Variants in KIF21A observed in about 807,000 individuals in gnomAD.
The protein encoded by KIF21A is kinesin family member 21A.
In KIF21A, 114 loss-of-function variants were observed where a neutral mutation model predicts 202.9. The ratio of observed to expected loss-of-function variants is 0.56; its 90% confidence interval spans 0.48 to 0.66. The LOEUF (loss-of-function observed/expected upper bound fraction) is 0.66, where lower values mean the gene tolerates loss of function less well. Ranked by LOEUF, KIF21A falls within the 30% of genes least tolerant of loss-of-function variation. The pLI, the probability that KIF21A is intolerant of heterozygous loss-of-function variation, is 0.00. For synonymous variants in KIF21A, 667 were observed against 670.8 expected (o/e 0.99, Z 0.09); for missense variants, 1,677 against 1,994.9 (o/e 0.84, Z 3.04).
chr12:39,299,143 G>A (rs367926510), intron 37 of KIF21A, among the ~76,000 whole-genome samples: 89 of 152,164 alleles, frequency 5.8e-4, no homozygotes, highest in African/African-American at 2.1e-3. Context: ...CATCTGCACA[G>A]CAAAAGAAAC....
At chr12:39,306,273 G>A (rs777421459) in intron 34 of KIF21A, among the ~76,000 whole-genome samples, 1 of 152,154 alleles carries the variant, frequency 6.6e-6, no homozygotes, top group Non-Finnish European at 1.5e-5. Flanking sequence ...AAATTAAAAA[G>A]TGCAAAAGAT....
At chr12:39,421,723 T>TTATATATATATA (rs374130613) in intron 1 of KIF21A, among the ~76,000 whole-genome samples, 26 of 135,024 alleles carry the variant, frequency 1.9e-4, no homozygotes, top group South Asian at 6.8e-4. Context: ...TATATATAAT[T>TTATATATATATA]TATATATATA....
At chr12:39,317,164 A>G (rs190607535) in intron 29 of KIF21A, among the ~76,000 whole-genome samples, 1 of 152,208 alleles carries the variant, frequency 6.6e-6, no homozygotes, top group Non-Finnish European at 1.5e-5. Flanking sequence ...CTAATGAAGG[A>G]TCCATAAATA....
At chr12:39,315,530 A>C (rs1036005310) in intron 30 of KIF21A, among the ~76,000 whole-genome samples, 11 of 151,882 alleles carry the variant, frequency 7.2e-5, no homozygotes, top group African/African-American at 2.7e-4. Flanking sequence ...ATTTTTAATC[A>C]TATAATCTTT....
intron 1 of KIF21A, among the ~76,000 whole-genome samples, chr12:39,435,327 C>T (rs1448380003): frequency 6.6e-6 from 1 of 152,130 alleles, no homozygotes; most frequent in Non-Finnish European, 1.5e-5. Context: ...CTTAAATATT[C>T]TTTGAGGTTT....
Position 39,332,887 on chromosome 12 carries a change from G to A in KIF21A, c.2702+6C>T, listed in dbSNP as rs111232332. Reference sequence around the variant, plus strand: ...ATTACATCAGCAGGAACAGAATTATGTAGACCTGTTTCCATTTGTTGCCGG... The same window carrying A: ...ATTACATCAGCAGGAACAGAATTATATAGACCTGTTTCCATTTGTTGCCGG... On this transcript the variant is annotated splice_donor_region_variant and intron_variant, in intron 19 of 37. Coordinates refer to ENST00000361418, the MANE Select transcript of KIF21A (RefSeq NM_001173464.2). The A allele has an allele frequency of 3.7e-4, 593 of 1,612,794 alleles. 2 individuals are homozygous for A. The African/African-American group carries it at 7.0e-3, about 19-fold the overall frequency.
Position 39,333,374 on chromosome 12 carries a change from C to G in KIF21A, c.2419-94G>C, listed in dbSNP as rs180818038. ...ATATATTTCCCCATACCCCTGGGAA[C>G]TATGAGTTCTTAGCAGAATCTTTGA... On this transcript the variant is annotated intron_variant, in intron 17 of 37. Coordinates refer to ENST00000361418, the MANE Select transcript of KIF21A (RefSeq NM_001173464.2). 1.2e-4 allele frequency: 111 copies of G among 915,812 alleles called. No individual in the cohort carries two copies. In the African/African-American group the frequency reaches 1.5e-3, roughly 12 times the overall value. 56.7% of individuals were successfully genotyped at this position (915,812 alleles called of 1,614,324 possible).
intron 34 of KIF21A, among the ~76,000 whole-genome samples, chr12:39,306,062 G>T (rs1943444117): frequency 6.6e-6 from 1 of 152,220 alleles, no homozygotes; most frequent in African/African-American, 2.4e-5. Flanking sequence ...ACTGTGTGAT[G>T]TCAGTTGGCA....
At chr12:39,420,947 A>C (rs1310651560) in intron 1 of KIF21A, among the ~76,000 whole-genome samples, 2 of 152,276 alleles carry the variant, frequency 1.3e-5, no homozygotes, top group East Asian at 1.9e-4. Flanking sequence ...GATTTAACAA[A>C]AAAAAAAATA....
At position 39,357,418 on chromosome 12, in the gene KIF21A, T is replaced by C. The variant is rs1244207399; in HGVS notation, c.1235A>G (p.Glu412Gly). The C allele has an allele frequency of 6.2e-7, 1 of 1,614,006 alleles. No individual in the cohort carries two copies. Among genetic ancestry groups the C allele is most frequent in the Non-Finnish European group, 8.5e-7 (1 of 1,179,886 alleles). ...EYKTGKRIID[E>G]EGVESINDMF... The stretch of plus-strand genomic sequence containing the variant: ...GTCATTGATGCTTTCCACACCCTCT[T>C]CGTCAATTATTCTTTTACCCTAGTA... The change falls in exon 9 of 38, where the codon GAA becomes GGA. Residue 412 changes from glutamate (E) to glycine (G), a missense_variant. This residue lies in a region of KIF21A where 966 missense variants were observed against 1,180.9 expected (regional missense o/e 0.82). Transcript: ENST00000361418.
intron 21 of KIF21A, 165 bp from the exon 22 acceptor site, chr12:39,331,956 A>C (rs1370448923): frequency 1.4e-6 from 1 of 704,544 alleles, no homozygotes; most frequent in Non-Finnish European, 2.5e-6. Flanking sequence ...GTTTAGTTGA[A>C]AAGACACATT....
intron 12 of KIF21A, among the ~76,000 whole-genome samples, chr12:39,342,712 T>C (rs1253877464): frequency 6.6e-6 from 1 of 152,174 alleles, no homozygotes; most frequent in Non-Finnish European, 1.5e-5. Context: ...CTTCTCATTA[T>C]GGTCTCACAC....
At chr12:39,367,758 A>T (rs1949694602) in intron 4 of KIF21A, 125 bp downstream of exon 4, 1 of 748,906 alleles carries the variant, frequency 1.3e-6, no homozygotes, top group African/African-American at 1.8e-5. Flanking sequence ...AGAACACAAG[A>T]TCTTAATTCC....
chr12:39,327,087 GGTTT>G (rs1188668986), intron 24 of KIF21A, among the ~76,000 whole-genome samples: 16 of 151,852 alleles, frequency 1.1e-4, no homozygotes, highest in Non-Finnish European at 1.6e-4. Context: ...CATAGGTGTA[GGTTT>G]TTTTAATGTA....
At chr12:39,391,471 C>T (rs901271542) in intron 1 of KIF21A, among the ~76,000 whole-genome samples, 2 of 152,002 alleles carry the variant, frequency 1.3e-5, no homozygotes, top group African/African-American at 4.8e-5. Context: ...GGCATGGTGG[C>T]TCACGTCTGT....
rs1939799207 is a variant in KIF21A, at chr12:39,442,606, G to A, written c.44+321C>T. Among the ~76,000 whole-genome samples, 1 of 152,202 alleles carries A rather than the reference G, an allele frequency of 6.6e-6. No individual in the cohort carries two copies. Among genetic ancestry groups the A allele is most frequent in the Non-Finnish European group, 1.5e-5 (1 of 68,012 alleles). Reference sequence around the variant, plus strand: ...CAAGGCGGCCAGACCTGAGGTGACTGATCCCGCGAGGGGACGGAGGGGAGT... The same window carrying A: ...CAAGGCGGCCAGACCTGAGGTGACTAATCCCGCGAGGGGACGGAGGGGAGT... On this transcript the variant is annotated intron_variant, in intron 1 of 37. Coordinates refer to ENST00000361418, the MANE Select transcript of KIF21A (RefSeq NM_001173464.2). This position sits in a 1 kb window ranked among gnomAD's most constrained non-coding sequence, Gnocchi z 5.0.
intron 1 of KIF21A, among the ~76,000 whole-genome samples, chr12:39,419,288 ACTCT>A (rs1954042743): frequency 6.6e-6 from 1 of 151,910 alleles, no homozygotes; most frequent in Non-Finnish European, 1.5e-5. Flanking sequence ...CTTTACTCTA[ACTCT>A]CTCATTTTAA....
chr12:39,427,428 A>G (rs1695091726), intron 1 of KIF21A, among the ~76,000 whole-genome samples: 1 of 152,192 alleles, frequency 6.6e-6, no homozygotes, highest in South Asian at 2.1e-4. Flanking sequence ...TGACTCATAG[A>G]GAGGGGTAAC....
intron 1 of KIF21A, among the ~76,000 whole-genome samples, chr12:39,396,015 G>A (rs2139752103): frequency 6.6e-6 from 1 of 151,708 alleles, no homozygotes; most frequent in Admixed American, 6.6e-5. Context: ...CCAGGCACAG[G>A]GCCCCTGTGG....
Sources: gnomAD v4.1 joint callset for allele counts (sites outside exome capture counted in the v4.1 genomes callset) on GRCh38, gnomAD v4.1.1 for gene constraint, gnomAD v4.1.1 regional missense constraint, Gnocchi (gnomAD v3.1) non-coding constraint, MANE v1.5 for transcripts, NCBI Gene and HGNC (gene_info 2026-07-23, HGNC 2026-07-21) for gene names.